The following NKAIN3 variants were observed in gnomAD, a reference collection of about 807,000 sequenced individuals.
NKAIN3 encodes the protein sodium/potassium-transporting ATPase subunit beta-1-interacting protein 3.
A neutral mutation model predicts 30.2 loss-of-function variants in NKAIN3; 25 were observed. The ratio of observed to expected loss-of-function variants is 0.83; its 90% CI spans 0.60 to 1.16. NKAIN3 has a LOEUF of 1.16. NKAIN3 is among the 50% of genes most tolerant of loss of function. The pLI is 0.00. For missense variants in NKAIN3, 225 were observed against 254.1 expected (o/e 0.89, Z 0.78); for synonymous variants, 91 against 89.6 (o/e 1.02, Z -0.09).
intron 1 of NKAIN3, among the ~76,000 whole-genome samples, chr8:62,504,782 C>T (rs1215624747): frequency 6.6e-5 from 10 of 152,122 alleles, no homozygotes; most frequent in Admixed American, 4.6e-4. Flanking sequence ...TGTCAATCTC[C>T]CTTACAGTGT....
At chr8:62,775,900 C>T (rs1350124696) in intron 4 of NKAIN3, among the ~76,000 whole-genome samples, 1 of 151,992 alleles carries the variant, frequency 6.6e-6, no homozygotes, top group Non-Finnish European at 1.5e-5. Context: ...GTTTAATTAT[C>T]CAGCTATTAT....
At position 62,979,051 on chromosome 8, in the gene NKAIN3, C is replaced by T. The variant is rs1824016516; in HGVS notation, c.*13644C>T. On this transcript the variant is annotated 3_prime_UTR_variant, in exon 7 of 7. Coordinates refer to ENST00000623646, the MANE Select transcript of NKAIN3 (RefSeq NM_001304533.3). ...GCCCTCCGTGGGCTGCACCCACTGT[C>T]TAACCAGTCCCAGTGAGATGAACCG... is the stretch of plus-strand genomic sequence containing the variant. 6.5e-6 allele frequency: 1 copy of T among 152,764 alleles called. No individual in the cohort carries two copies. The highest frequency in any genetic ancestry group is 1.5e-5 in the Non-Finnish European group (1 of 68,390). The allele number at this position is 152,764 out of a possible 1,614,324, so 9.5% of individuals were successfully genotyped here.
chr8:62,950,410 C>T (rs921329601), intron 5 of NKAIN3, among the ~76,000 whole-genome samples: 2 of 152,140 alleles, frequency 1.3e-5, no homozygotes, highest in African/African-American at 4.8e-5. Context: ...ATTGCTCTAT[C>T]CCATCCATGA....
intron 4 of NKAIN3, among the ~76,000 whole-genome samples, chr8:62,870,433 A>T (rs1820591077): frequency 7.3e-6 from 1 of 136,090 alleles, no homozygotes; most frequent in Non-Finnish European, 1.5e-5. Flanking sequence ...CATATATACA[A>T]TATATACATA....
intron 6 of NKAIN3, among the ~76,000 whole-genome samples, chr8:62,958,169 G>T (rs576200919): frequency 1.3e-5 from 2 of 151,980 alleles, no homozygotes; most frequent in South Asian, 2.1e-4. Flanking sequence ...CATAGTTCTC[G>T]TATAAAGTGA....
At chr8:62,273,753 C>T (rs190612929) in intron 1 of NKAIN3, among the ~76,000 whole-genome samples, 215 of 152,274 alleles carry the variant, frequency 1.4e-3, no homozygotes, top group African/African-American at 4.9e-3. Flanking sequence ...ATCAGCCCAG[C>T]CCTGTACCCT....
chr8:62,674,893 A>C (rs1813423317), intron 3 of NKAIN3, among the ~76,000 whole-genome samples: 1 of 152,198 alleles, frequency 6.6e-6, no homozygotes, highest in Non-Finnish European at 1.5e-5. Context: ...CGTAAGGATA[A>C]TTAAAGTGGG....
chr8:62,515,108 G>T (rs1807944418), intron 1 of NKAIN3, among the ~76,000 whole-genome samples: 1 of 151,984 alleles, frequency 6.6e-6, no homozygotes, highest in Admixed American at 6.6e-5. Context: ...AATACATCAT[G>T]ACAATATTGT....
chr8:62,652,223 A>G (rs1044860632), intron 3 of NKAIN3, among the ~76,000 whole-genome samples: 2 of 152,198 alleles, frequency 1.3e-5, no homozygotes, highest in Non-Finnish European at 2.9e-5. Context: ...TTCAGACCAC[A>G]GCAGTTTAAG....
intron 4 of NKAIN3, among the ~76,000 whole-genome samples, chr8:62,808,870 C>T (rs989475986): frequency 3.3e-5 from 5 of 152,118 alleles, no homozygotes; most frequent in African/African-American, 1.2e-4. Flanking sequence ...GACAACTGGT[C>T]TGACTAAAAT....
chr8:62,477,174 G>A (rs1425163945), intron 1 of NKAIN3, among the ~76,000 whole-genome samples: 1 of 152,216 alleles, frequency 6.6e-6, no homozygotes, highest in Admixed American at 6.5e-5. Flanking sequence ...CACACATGGA[G>A]CTGAGCCAGG....
intron 1 of NKAIN3, among the ~76,000 whole-genome samples, chr8:62,342,182 T>C (rs1331929277): frequency 1.4e-5 from 2 of 138,112 alleles, no homozygotes. Flanking sequence ...ATTCCCTCTA[T>C]AACTTTGGCT....
intron 1 of NKAIN3, among the ~76,000 whole-genome samples, chr8:62,333,514 T>C (rs1454037006): frequency 2.6e-5 from 4 of 152,072 alleles, no homozygotes; most frequent in African/African-American, 9.7e-5. Context: ...GCAGTGCCCT[T>C]ACTGGAATCT....
chr8:62,788,516 T>C (rs1204604063), intron 4 of NKAIN3, among the ~76,000 whole-genome samples: 2 of 152,352 alleles, frequency 1.3e-5, no homozygotes, highest in Non-Finnish European at 2.9e-5. Context: ...TTTCTTTTGC[T>C]GTGCAGAGGC....
chr8:62,326,164 A>G (rs2129589733), intron 1 of NKAIN3, among the ~76,000 whole-genome samples: 1 of 152,088 alleles, frequency 6.6e-6, no homozygotes, highest in East Asian at 1.9e-4. Flanking sequence ...CTGCAGGATG[A>G]CATTCTTTTT....
At chr8:62,924,388 A>G (rs998391979) in intron 5 of NKAIN3, among the ~76,000 whole-genome samples, 3 of 152,236 alleles carry the variant, frequency 2.0e-5, no homozygotes, top group Admixed American at 1.3e-4. Context: ...TTTTAAAGTC[A>G]TATTATTCAC....
intron 4 of NKAIN3, among the ~76,000 whole-genome samples, chr8:62,883,465 T>G (rs1301316274): frequency 6.9e-6 from 1 of 145,772 alleles, no homozygotes; most frequent in Admixed American, 6.9e-5. Flanking sequence ...GGGTTTTTTT[T>G]TTTTTTTTCA....
Position 62,970,444 on chromosome 8 carries a change from G to A in NKAIN3, c.*5037G>A, listed in dbSNP as rs192786825. 3.1e-4 allele frequency among the ~76,000 whole-genome samples: 47 copies of A among 152,244 alleles called. No individual in the cohort carries two copies. The highest frequency in any genetic ancestry group is 9.8e-4 in the Admixed American group (15 of 15,290). On this transcript the variant is annotated 3_prime_UTR_variant, in exon 7 of 7. Coordinates refer to ENST00000623646, the MANE Select transcript of NKAIN3 (RefSeq NM_001304533.3). ...ATATTGGTATTTGTAGAAAAATTTG[G>A]TGGCAGGCAAAACTTGAATCATCTT...
At chr8:62,509,366 C>A (rs542589358) in intron 1 of NKAIN3, among the ~76,000 whole-genome samples, 5 of 152,100 alleles carry the variant, frequency 3.3e-5, no homozygotes, top group African/African-American at 1.2e-4. Context: ...GAGTTCCATC[C>A]GGCAAGATAT....
Sources: gnomAD v4.1 joint callset for allele counts (sites outside exome capture counted in the v4.1 genomes callset) on GRCh38, gnomAD v4.1.1 for gene constraint, MANE v1.5 for transcripts, NCBI Gene and HGNC (gene_info 2026-07-23, HGNC 2026-07-21) for gene names.